Variants in HSD17B4 observed in about 807,000 individuals in gnomAD.
HSD17B4 encodes the protein peroxisomal multifunctional enzyme type 2.
In HSD17B4, 70 loss-of-function variants were observed where a neutral mutation model predicts 101.0. The ratio of observed to expected loss-of-function variants is 0.69; its 90% CI spans 0.57 to 0.85. The LOEUF is 0.85. HSD17B4 is among the 40% of genes least tolerant of loss of function. HSD17B4 has a pLI of 0.00. For missense variants in HSD17B4, 984 were observed against 892.4 expected (o/e 1.10, Z -1.31); for synonymous variants, 347 against 297.1 (o/e 1.17, Z -1.73).
At chr5:119,494,801 A>T (rs1044731848) in intron 11 of HSD17B4, among the ~76,000 whole-genome samples, 2 of 152,170 alleles carry the variant, frequency 1.3e-5, no homozygotes, top group Non-Finnish European at 2.9e-5. Context: ...GGACTTAATA[A>T]TTGCTTATTA....
chr5:119,505,780 A>G (rs1751589560), intron 14 of HSD17B4, among the ~76,000 whole-genome samples: 1 of 151,082 alleles, frequency 6.6e-6, no homozygotes, highest in South Asian at 2.1e-4. Flanking sequence ...GAGTTGCAGT[A>G]TTGTGTTGAA....
intron 23 of HSD17B4, 100 bp downstream of exon 23, chr5:119,536,650 G>T: frequency 9.0e-7 from 1 of 1,110,092 alleles, no homozygotes. Context: ...TATAAGCCAG[G>T]TTTCTTACAA....
intron 19 of HSD17B4, 44 bp from the exon 20 acceptor site, chr5:119,527,077 ACAAGTAAAAGAG>A: frequency 9.5e-7 from 1 of 1,051,176 alleles, no homozygotes; most frequent in Non-Finnish European, 1.5e-6. Context: ...TTTTCCTCCT[ACAAGTAAAAGAG>A]TTTCCTTTTA....
chr5:119,509,552 C>T (rs941886779), intron 16 of HSD17B4: 11 of 427,948 alleles, frequency 2.6e-5, no homozygotes, highest in African/African-American at 2.0e-4. Context: ...CTAGTTTCTT[C>T]TTCCTCTTCT....
intron 16 of HSD17B4, among the ~76,000 whole-genome samples, chr5:119,514,189 C>G (rs1252478090): frequency 6.6e-6 from 1 of 152,006 alleles, no homozygotes; most frequent in Non-Finnish European, 1.5e-5. Context: ...TTAGAAGCAG[C>G]AACTTCCCTC....
intron 17 of HSD17B4, among the ~76,000 whole-genome samples, chr5:119,521,931 T>A (rs76297355): frequency 1.6e-4 from 24 of 151,326 alleles, no homozygotes; most frequent in African/African-American, 2.7e-4. Flanking sequence ...TTTTTTTTTT[T>A]AAATATATAT....
chr5:119,531,143 T>C, intron 21 of HSD17B4, 123 bp from the exon 22 acceptor site: 1 of 866,456 alleles, frequency 1.2e-6, no homozygotes, highest in East Asian at 2.6e-5. Flanking sequence ...ACACATTGTA[T>C]GAAGAAAACT....
chr5:119,475,661 A>C, intron 4 of HSD17B4, 45 bp from the exon 5 acceptor site: 1 of 1,476,734 alleles, frequency 6.8e-7, no homozygotes, highest in Non-Finnish European at 9.5e-7. Context: ...AATGCAAACT[A>C]ATATGCTTGC....
At chr5:119,526,227 G>A (rs937805976) in intron 19 of HSD17B4, among the ~76,000 whole-genome samples, 6 of 151,540 alleles carry the variant, frequency 4.0e-5, no homozygotes, top group African/African-American at 1.5e-4. Flanking sequence ...AGGATGCACA[G>A]TTGCAATTTT....
At chr5:119,488,645 G>A (rs1006140994) in intron 8 of HSD17B4, among the ~76,000 whole-genome samples, 5 of 152,050 alleles carry the variant, frequency 3.3e-5, no homozygotes, top group African/African-American at 1.2e-4. Flanking sequence ...AAGTTCAAAA[G>A]GTAACATATG....
intron 23 of HSD17B4, among the ~76,000 whole-genome samples, chr5:119,537,854 C>T (rs999368530): frequency 5.9e-5 from 9 of 151,952 alleles, no homozygotes; most frequent in African/African-American, 1.9e-4. Flanking sequence ...GTTTGCCAAC[C>T]CTTGAGTTAG....
At position 119,473,838 on chromosome 5, in the gene HSD17B4, C is replaced by A. The variant is rs1748288089; in HGVS notation, c.113-70C>A. On this transcript the variant is annotated intron_variant, in intron 2 of 23. Transcript: ENST00000510025. ...GTGCTAGTAATTAGAATTTCATTTTCCACACACACACACACACATTTTGAA... is the reference window on the plus strand; with the variant it reads ...GTGCTAGTAATTAGAATTTCATTTTACACACACACACACACACATTTTGAA... The A allele has an allele frequency of 3.3e-5, 28 of 849,626 alleles. No individual in the cohort carries two copies. In the East Asian group the frequency reaches 7.0e-4, roughly 21 times the overall value. The allele number at this position is 849,626 out of a possible 1,614,324, so 52.6% of individuals were successfully genotyped here.
chr5:119,505,191 G>T (rs1050874151), intron 14 of HSD17B4, among the ~76,000 whole-genome samples: 2 of 146,904 alleles, frequency 1.4e-5, no homozygotes, highest in South Asian at 2.2e-4. Context: ...TTCCAGCTTT[G>T]TTTTTTTTTT....
chr5:119,458,610 C>T (rs981448889), intron 2 of HSD17B4, among the ~76,000 whole-genome samples: 1 of 151,620 alleles, frequency 6.6e-6, no homozygotes, highest in Non-Finnish European at 1.5e-5. Flanking sequence ...TCACTTCTAC[C>T]GACATTTCAT....
At chr5:119,476,188 C>A (rs901659606) in intron 6 of HSD17B4, among the ~76,000 whole-genome samples, 1 of 152,090 alleles carries the variant, frequency 6.6e-6, no homozygotes, top group Non-Finnish European at 1.5e-5. Flanking sequence ...CTCTTAACAG[C>A]CTTTAACGTG....
intron 2 of HSD17B4, among the ~76,000 whole-genome samples, chr5:119,469,741 T>A (rs1358453595): frequency 6.6e-6 from 1 of 152,242 alleles, no homozygotes; most frequent in Non-Finnish European, 1.5e-5. Flanking sequence ...AATTAACTTT[T>A]GTAGGGAAAG....
intron 17 of HSD17B4, among the ~76,000 whole-genome samples, chr5:119,520,969 G>A (rs1000115027): frequency 1.3e-5 from 2 of 152,150 alleles, no homozygotes; most frequent in Non-Finnish European, 2.9e-5. Flanking sequence ...TAACATTTAT[G>A]TATTATTTCC....
chr5:119,493,886 A>G lies in HSD17B4; in HGVS notation c.808A>G (p.Lys270Glu), dbSNP rs1290675070. ...KNHPMTPEAV[K>E]ANWKKICDFE... ...TCACCCAATGACTCCTGAGGCAGTC[A>G]AGGCTAACTGGAAGAAGATCTGTGA... The change falls in exon 11 of 24, where the codon AAG becomes GAG. Residue 270 changes from lysine to glutamate, a missense_variant. By Grantham distance (56) the Lys-to-Glu change is moderately conservative (BLOSUM62 1). Transcript: ENST00000510025. 6.2e-7 allele frequency: 1 copy of G among 1,613,378 alleles called. No homozygotes were observed. Among genetic ancestry groups the G allele is most frequent in the Non-Finnish European group, 8.5e-7 (1 of 1,179,464 alleles).
At chr5:119,534,464 A>G (rs1319652539) in intron 22 of HSD17B4, among the ~76,000 whole-genome samples, 1 of 152,018 alleles carries the variant, frequency 6.6e-6, no homozygotes, top group Non-Finnish European at 1.5e-5. Flanking sequence ...GACATTTGCC[A>G]CAGTATGTAA....
Sources: gnomAD v4.1 joint callset for allele counts (sites outside exome capture counted in the v4.1 genomes callset) on GRCh38, gnomAD v4.1.1 for gene constraint, MANE v1.5 for transcripts, NCBI Gene and HGNC (gene_info 2026-07-23, HGNC 2026-07-21) for gene names.